The following SYNE2 variants were observed in gnomAD, a reference collection of about 807,000 sequenced individuals.
The protein encoded by SYNE2 is nesprin-2.
Under a neutral mutation model 856.3 loss-of-function variants are expected in SYNE2, and 431 were observed. The observed-to-expected ratio is 0.50, with a 90% CI of 0.47 to 0.55. SYNE2 has a LOEUF of 0.55. Among genes scored for constraint, SYNE2 ranks in the 20% least tolerant of loss-of-function variants. SYNE2 has a pLI of 0.00. For synonymous variants in SYNE2, 2,923 were observed against 2,872.3 expected, an observed-to-expected ratio of 1.02 and a Z score of -0.56; for missense variants, 8,129 against 8,023.2, an observed-to-expected ratio of 1.01 and a Z score of -0.50.
At position 64,177,450 on chromosome 14, in the gene SYNE2, C is replaced by T. The variant is rs202141038; in HGVS notation, c.17523C>T (p.His5841=). 22 of 1,614,120 alleles carry T rather than the reference C, an allele frequency of 1.4e-5. No individual in the cohort carries two copies. Among genetic ancestry groups the T allele is most frequent in the Middle Eastern group, 1.6e-4 (1 of 6,062 alleles). Residue 5841 remains histidine (H), a synonymous_variant, in exon 96 of 116, where the codon CAC becomes CAT. Transcript: ENST00000555002. The part of the protein sequence containing the change: ...AQSEDPLPEL[H]EDLHNEKELI... ...GTGAAGATCCTCTTCCAGAGCTTCA[C>T]GAGGACCTCCATAACGAAAAAGAGC...
chr14:63,879,165 C>T (rs981179178), intron 1 of SYNE2, among the ~76,000 whole-genome samples: 1 of 152,216 alleles, frequency 6.6e-6, no homozygotes, highest in Non-Finnish European at 1.5e-5. Context: ...TGACCTACCC[C>T]AACCTTGAGT....
At chr14:64,211,831 G>A (rs1041605589) in intron 103 of SYNE2, 130 bp from the exon 104 acceptor site, 1 of 1,366,638 alleles carries the variant, frequency 7.3e-7, no homozygotes, top group Admixed American at 1.7e-5. Flanking sequence ...GGCTTTCTGG[G>A]TACCCTAGAG....
Position 63,814,799 on chromosome 14 carries a change from CATATATATCCAT to C in SYNE2, c.-304-37683_-304-37672del, listed in dbSNP as rs1167938302. On this transcript the variant is annotated intron_variant, in intron 1 of 23. Transcript: ENST00000674003. ...ATATCCATATATATCCATATATATC[CATATATATCCAT>C]ATATATATCCATATATATCCATATA... Among the ~76,000 whole-genome samples the C allele has an allele frequency of 8.5e-4, 38 of 44,736 alleles. 1 individual carries two copies. The highest frequency in any genetic ancestry group is 2.1e-3 in the African/African-American group (27 of 12,980). 29.3% of individuals were successfully genotyped at this position (44,736 alleles called of 152,430 possible). A position where few individuals can be genotyped will look rare whatever the true frequency, so the allele number is the denominator to read the frequency against.
At chr14:64,073,777 G>A (rs1416478124) in intron 52 of SYNE2, among the ~76,000 whole-genome samples, 191 bp from the exon 53 acceptor site, 1 of 152,204 alleles carries the variant, frequency 6.6e-6, no homozygotes, top group Non-Finnish European at 1.5e-5. Context: ...TTTTGATTAA[G>A]TGGTAGATTT....
chr14:63,906,028 A>G (rs770871224), intron 1 of SYNE2, among the ~76,000 whole-genome samples: 6 of 152,078 alleles, frequency 3.9e-5, no homozygotes, highest in Admixed American at 1.3e-4. Flanking sequence ...ATGTTGGATT[A>G]TATAAAAAGT....
intron 23 of SYNE2, among the ~76,000 whole-genome samples, chr14:63,996,274 C>G (rs1431853899): frequency 6.6e-6 from 1 of 152,186 alleles, no homozygotes. Context: ...CTTCTTCCTT[C>G]CCAGTGGTGT....
intron 25 of SYNE2, 22 bp from the exon 26 acceptor site, chr14:63,998,197 A>G: frequency 2.7e-6 from 4 of 1,498,272 alleles, no homozygotes; most frequent in Non-Finnish European, 3.7e-6. Flanking sequence ...TATTTCGTTT[A>G]CTATTTTGCA....
At chr14:64,129,589 C>T (rs138191317) in intron 74 of SYNE2, among the ~76,000 whole-genome samples, 193 bp from the exon 75 acceptor site, 11 of 152,176 alleles carry the variant, frequency 7.2e-5, no homozygotes, top group Non-Finnish European at 1.0e-4. Flanking sequence ...TCTACCCCTA[C>T]TGGTATGGAG....
chr14:63,901,097 C>A (rs1169651218), intron 1 of SYNE2, among the ~76,000 whole-genome samples: 1 of 152,224 alleles, frequency 6.6e-6, no homozygotes, highest in Admixed American at 6.5e-5. Context: ...GCTTCTTCCT[C>A]ACCATTGACA....
intron 54 of SYNE2, among the ~76,000 whole-genome samples, chr14:64,076,606 A>T (rs1489347767): frequency 6.6e-6 from 1 of 152,142 alleles, no homozygotes; most frequent in African/African-American, 2.4e-5. Flanking sequence ...GAAAGTCCAG[A>T]TTTAAAGAAA....
intron 34 of SYNE2, 47 bp downstream of exon 34, chr14:64,017,803 A>AT (rs2096904877): frequency 6.4e-7 from 1 of 1,569,108 alleles, no homozygotes; most frequent in African/African-American, 1.4e-5. Context: ...CACAATTGAC[A>AT]TTTTTTATTT....
At chr14:63,948,166 TACACACAC>T (rs59063086) in intron 6 of SYNE2, among the ~76,000 whole-genome samples, 1,794 of 146,994 alleles carry the variant, frequency 0.012, 20 homozygotes, top group African/African-American at 0.035. Context: ...GACACACACA[TACACACAC>T]ACACACACAC....
chr14:64,160,651 T>A (rs1057281397), intron 87 of SYNE2, among the ~76,000 whole-genome samples: 1 of 152,352 alleles, frequency 6.6e-6, no homozygotes, highest in East Asian at 1.9e-4. Context: ...GGGTCGAGGA[T>A]ATTGTTGAGG....
chr14:64,164,733 GA>G (rs2098361145), intron 89 of SYNE2, among the ~76,000 whole-genome samples: 1 of 152,154 alleles, frequency 6.6e-6, no homozygotes, highest in African/African-American at 2.4e-5. Flanking sequence ...TCAGGCGGGT[GA>G]TCTGTCCATT....
intron 30 of SYNE2, among the ~76,000 whole-genome samples, chr14:64,005,857 A>G (rs537666926): frequency 6.6e-6 from 1 of 152,300 alleles, no homozygotes; most frequent in Non-Finnish European, 1.5e-5. Flanking sequence ...AAGAGGTCCA[A>G]GTTGGATCCA....
chr14:63,962,652 G>A (rs1045672776), intron 9 of SYNE2, among the ~76,000 whole-genome samples: 2 of 152,000 alleles, frequency 1.3e-5, no homozygotes, highest in African/African-American at 2.4e-5. Flanking sequence ...AATGATTCTC[G>A]TGCCTCAGCC....
chr14:64,211,208 G>T (rs1408716198), intron 103 of SYNE2, among the ~76,000 whole-genome samples: 1 of 152,094 alleles, frequency 6.6e-6, no homozygotes, highest in Admixed American at 6.5e-5. Context: ...CAAACTCCTG[G>T]CCTCAAGTAA....
intron 47 of SYNE2, among the ~76,000 whole-genome samples, chr14:64,051,091 G>A (rs1053151700): frequency 6.6e-6 from 1 of 152,052 alleles, no homozygotes; most frequent in African/African-American, 2.4e-5. Context: ...AGCCCTTGAG[G>A]AAACAATTTT....
At chr14:64,146,761 C>G (rs1461347370) in intron 84 of SYNE2, among the ~76,000 whole-genome samples, 1 of 152,242 alleles carries the variant, frequency 6.6e-6, no homozygotes, top group Non-Finnish European at 1.5e-5. Context: ...CACACTGATC[C>G]TGCTTTAGCA....
Sources: gnomAD v4.1 joint callset for allele counts (sites outside exome capture counted in the v4.1 genomes callset) on GRCh38, gnomAD v4.1.1 for gene constraint, MANE v1.5 for transcripts, NCBI Gene and HGNC (gene_info 2026-07-23, HGNC 2026-07-21) for gene names.